Variants in ZNF653 observed in about 807,000 individuals in gnomAD.
ZNF653 encodes 67 kDa zinc finger protein.
A neutral mutation model predicts 59.9 loss-of-function variants in ZNF653; 37 were observed. That is an observed-to-expected ratio of 0.62 (90% confidence interval 0.48 to 0.81). The LOEUF is 0.81. Ranked by LOEUF, ZNF653 falls within the 40% of genes least tolerant of loss-of-function variation. The pLI, the probability that ZNF653 is intolerant of heterozygous loss-of-function variation, is 0.00. For missense variants in ZNF653, 808 were observed against 881.1 expected, an observed-to-expected ratio of 0.92 and a Z score of 1.05; for synonymous variants, 435 against 371.8, an observed-to-expected ratio of 1.17 and a Z score of -1.96.
chr19:11,501,020 G>T (rs945782817), intron 1 of ZNF653, among the ~76,000 whole-genome samples: 3 of 152,100 alleles, frequency 2.0e-5, no homozygotes, highest in African/African-American at 7.2e-5. Context: ...AAGGACCACA[G>T]CTCCGGGGCT....
In ZNF653 at chr19:11,487,928, G is replaced by A; in HGVS notation, c.560-25C>T. 1.3e-6 allele frequency: 2 copies of A among 1,523,332 alleles called. No homozygotes were observed. Among genetic ancestry groups the A allele is most frequent in the Non-Finnish European group, 1.8e-6 (2 of 1,137,488 alleles). The allele number at this position is 1,523,332 out of a possible 1,614,324, so 94.4% of individuals were successfully genotyped here. On this transcript the variant is annotated intron_variant, in intron 3 of 8. Coordinates refer to ENST00000293771, the MANE Select transcript of ZNF653 (RefSeq NM_138783.4). The surrounding 1 kb of genome is among the most constrained non-coding windows in gnomAD (Gnocchi z 5.1). ...ACTGTGGGGACAGAAGAAAGGGAGT[G>A]GTTATGATAGCTGCAGCCACTGGTA...
chr19:11,497,922 C>T (rs986545233), intron 2 of ZNF653, among the ~76,000 whole-genome samples: 1 of 152,202 alleles, frequency 6.6e-6, no homozygotes, highest in East Asian at 1.9e-4. Context: ...GGACCCCCAG[C>T]TCCAGGGCTC....
chr19:11,488,604 CTTTTTT>C (rs111509713), intron 3 of ZNF653, among the ~76,000 whole-genome samples: 1 of 143,122 alleles, frequency 7.0e-6, no homozygotes, highest in African/African-American at 2.5e-5. Context: ...CTTTTCTTTT[CTTTTTT>C]TTTTTGAGAT....
chr19:11,485,418 G>C (rs370356272), intron 7 of ZNF653, among the ~76,000 whole-genome samples: 2 of 152,150 alleles, frequency 1.3e-5, no homozygotes, highest in African/African-American at 4.8e-5. Flanking sequence ...GCATGGGGTC[G>C]CGGGGATAGG....
In ZNF653 at chr19:11,487,818, C is replaced by A; in HGVS notation, c.645G>T (p.Pro215=). ...CCGCTGCCGCTGCCGCAGCCTTGAC[C>A]GGCTGGCCCTCAGGAGACTCCTCAG... ...SDSEESPEGQ[P]VKAAAAAAAA... is the part of the protein sequence containing the mutation. Residue 215 remains proline, a synonymous_variant, in exon 4 of 9, where the codon CCG becomes CCT. Coordinates refer to ENST00000293771, the MANE Select transcript of ZNF653 (RefSeq NM_138783.4). This position sits in a 1 kb window ranked among gnomAD's most constrained non-coding sequence, Gnocchi z 5.1. The A allele has an allele frequency of 6.2e-7, 1 of 1,612,088 alleles. No individual in the cohort carries two copies. The highest frequency in any genetic ancestry group is 1.1e-5 in the South Asian group (1 of 90,980).
At chr19:11,494,205 C>G (rs550608335) in intron 3 of ZNF653, among the ~76,000 whole-genome samples, 2 of 151,998 alleles carry the variant, frequency 1.3e-5, no homozygotes, top group African/African-American at 4.8e-5. Flanking sequence ...GCCTGTAATC[C>G]CAGCTACTAG....
At position 11,505,612 on chromosome 19, in the gene ZNF653, G is replaced by T; in HGVS notation, c.175C>A (p.Arg59Ser). The change falls in exon 1 of 9, where the codon CGC (arginine) becomes AGC (serine). Residue 59 changes from arginine to serine, a missense_variant. Arg to Ser is a moderately radical substitution (Grantham distance 110). Coordinates refer to ENST00000293771, the MANE Select transcript of ZNF653 (RefSeq NM_138783.4). ...CCGTGCGCCTCGCCCAGGTACACGCGCCGCACGTCGTACTTCTTCCGGGAC... is the reference window on the plus strand; with the variant it reads ...CCGTGCGCCTCGCCCAGGTACACGCTCCGCACGTCGTACTTCTTCCGGGAC... ...LESRKKYDVR[R>S]VYLGEAHGPW... is the part of the protein sequence containing the mutation. 1.3e-6 allele frequency: 2 copies of T among 1,504,196 alleles called. No individual in the cohort carries two copies. The highest frequency in any genetic ancestry group is 1.9e-4 in the Middle Eastern group (1 of 5,130). 93.2% of individuals were successfully genotyped at this position (1,504,196 alleles called of 1,614,324 possible).
In ZNF653 at chr19:11,505,734, G is replaced by A; in HGVS notation, c.53C>T (p.Ala18Val). 2 of 1,401,972 alleles carry A rather than the reference G, an allele frequency of 1.4e-6. No homozygotes were observed. The highest frequency in any genetic ancestry group is 1.6e-5 in the African/African-American group (1 of 60,774). 86.8% of individuals were successfully genotyped at this position (1,401,972 alleles called of 1,614,324 possible). A position where few individuals can be genotyped will look rare whatever the true frequency, so the allele number is the denominator to read the frequency against. ...PEAEAEAEAGAGGEAAAEEGA... is the reference protein window; with the variant it reads ...PEAEAEAEAGVGGEAAAEEGA... ...CTCCTCGGCTGCTGCCTCCCCGCCC[G>A]CGCCCGCCTCAGCCTCCGCCTCCGC... Residue 18 changes from alanine (A) to valine (V), a missense_variant, in exon 1 of 9, where the codon GCG (alanine) becomes GTG (valine). Ala to Val is a moderately conservative substitution (Grantham distance 64). Transcript: ENST00000293771.
rs146535510 is a variant in ZNF653, at chr19:11,488,886, G to A, written c.560-983C>T. 7.7e-3 allele frequency among the ~76,000 whole-genome samples: 1,164 copies of A among 150,636 alleles called. 9 individuals are homozygous for A. Among genetic ancestry groups the A allele is most frequent in the Non-Finnish European group, 0.012 (787 of 67,758 alleles). ...GCTGGGATTACAGGCATGAGCCACC[G>A]CATCCGGCCTGAGTTTTTCTTTTTT... On this transcript the variant is annotated intron_variant, in intron 3 of 8. Coordinates refer to ENST00000293771, the MANE Select transcript of ZNF653 (RefSeq NM_138783.4).
Position 11,487,270 on chromosome 19 carries a change from G to A in ZNF653, c.1171+22C>T. On this transcript the variant is annotated intron_variant, in intron 4 of 8. Transcript: ENST00000293771. The surrounding 1 kb of genome is among the most constrained non-coding windows in gnomAD (Gnocchi z 5.1). ...CCAGGCCCAACCACCCCTGGCCAGA[G>A]GCCACGACAGGTCCCCCAGACCTTT... 2 of 1,605,604 alleles carry A rather than the reference G, an allele frequency of 1.2e-6. No individual in the cohort carries two copies. The highest frequency in any genetic ancestry group is 8.5e-7 in the Non-Finnish European group (1 of 1,175,046).
intron 1 of ZNF653, among the ~76,000 whole-genome samples, chr19:11,502,403 T>A (rs1040338394): frequency 2.6e-5 from 4 of 152,248 alleles, no homozygotes; most frequent in African/African-American, 7.2e-5. Context: ...TCCTTTTTTT[T>A]ATTTTAATTG....
At chr19:11,503,787 CAA>C (rs1391134977) in intron 1 of ZNF653, among the ~76,000 whole-genome samples, 1 of 151,804 alleles carries the variant, frequency 6.6e-6, no homozygotes, top group East Asian at 1.9e-4. Flanking sequence ...GCCTGGGTGA[CAA>C]AGTGAGACCC....
At chr19:11,485,596 G>T (rs1971457152) in intron 7 of ZNF653, 60 bp downstream of exon 7, 1 of 1,422,392 alleles carries the variant, frequency 7.0e-7, no homozygotes, top group Non-Finnish European at 9.9e-7. Context: ...TCTGGCCCAG[G>T]CTCCCAGGCC....
intron 2 of ZNF653, among the ~76,000 whole-genome samples, chr19:11,496,594 G>A (rs982365452): frequency 2.0e-5 from 3 of 152,106 alleles, no homozygotes; most frequent in African/African-American, 7.2e-5. Context: ...TGGGCCAGGC[G>A]CAATGACTCA....
At position 11,487,073 on chromosome 19, in the gene ZNF653, T is replaced by C; in HGVS notation, c.1257A>G (p.Ala419=). Residue 419 remains alanine (A), a synonymous_variant, in exon 5 of 9, where the codon GCA becomes GCG. Coordinates refer to ENST00000293771, the MANE Select transcript of ZNF653 (RefSeq NM_138783.4). This position sits in a 1 kb window ranked among gnomAD's most constrained non-coding sequence, Gnocchi z 5.1. The part of the protein sequence containing the change: ...PELATTVPES[A]EPEAEADGEE... Reference sequence around the variant, plus strand: ...CCCCGTCCGCCTCTGCCTCAGGCTCTGCGCTCTCAGGCACCGTTGTTGCCA... The same window carrying C: ...CCCCGTCCGCCTCTGCCTCAGGCTCCGCGCTCTCAGGCACCGTTGTTGCCA... 1.9e-6 allele frequency: 3 copies of C among 1,614,116 alleles called. No homozygotes were observed. The highest frequency in any genetic ancestry group is 1.7e-6 in the Non-Finnish European group (2 of 1,180,020).
intron 2 of ZNF653, among the ~76,000 whole-genome samples, chr19:11,497,599 T>G (rs568584314): frequency 6.6e-5 from 10 of 152,236 alleles, no homozygotes; most frequent in African/African-American, 2.4e-4. Context: ...ATCTGACTCT[T>G]GTGATGGTCC....
intron 1 of ZNF653, among the ~76,000 whole-genome samples, chr19:11,498,796 G>A (rs927216635): frequency 2.6e-5 from 4 of 151,716 alleles, no homozygotes; most frequent in Non-Finnish European, 4.4e-5. Flanking sequence ...CTAGGCTGGA[G>A]TGCAGTGGTG....
At chr19:11,489,134 G>C (rs1444999986) in intron 3 of ZNF653, among the ~76,000 whole-genome samples, 1 of 151,588 alleles carries the variant, frequency 6.6e-6, no homozygotes, top group African/African-American at 2.4e-5. Context: ...TCCTGACCTT[G>C]GGTGATCCAT....
At chr19:11,484,239 T>C (rs968646632) in intron 7 of ZNF653, 98 bp from the exon 8 acceptor site, 5 of 997,866 alleles carry the variant, frequency 5.0e-6, no homozygotes, top group Non-Finnish European at 7.6e-6. Flanking sequence ...GGCTGTCTCC[T>C]TGGATCTCCC....
Sources: gnomAD v4.1 joint callset for allele counts (sites outside exome capture counted in the v4.1 genomes callset) on GRCh38, gnomAD v4.1.1 for gene constraint, Gnocchi (gnomAD v3.1) non-coding constraint, MANE v1.5 for transcripts, NCBI Gene and HGNC (gene_info 2026-07-23, HGNC 2026-07-21) for gene names.